PVT1: variants seen among roughly 807,000 people sequenced by gnomAD.
PVT1 encodes the protein Pvt1 oncogene, also known as CXCR4/PVT1 fusion.
At chr8:128,100,920 C>T (rs1268181184) in intron 6 of PVT1, 1 of 152,194 alleles carries the variant, frequency 6.6e-6, no homozygotes, top group Non-Finnish European at 1.5e-5. Flanking sequence ...TGCAACTTTC[C>T]CAATTGCTCC....
chr8:127,837,400 T>G (rs1285377567), intron 2 of PVT1, among the ~76,000 whole-genome samples: 19 of 151,512 alleles, frequency 1.3e-4, no homozygotes, highest in Admixed American at 5.9e-4. Context: ...TTGTTGTTTT[T>G]TTTTTTTTGA....
intron 3 of PVT1, among the ~76,000 whole-genome samples, chr8:127,918,877 A>G (rs1367337129): frequency 4.6e-5 from 7 of 152,204 alleles, no homozygotes; most frequent in Non-Finnish European, 7.3e-5. Flanking sequence ...TTGTCTGTTT[A>G]GTCAGCCCTG....
At chr8:128,045,578 C>T (rs1405483312) in intron 4 of PVT1, among the ~76,000 whole-genome samples, 1 of 152,192 alleles carries the variant, frequency 6.6e-6, no homozygotes, top group Non-Finnish European at 1.5e-5. Context: ...CAAGAGTTAC[C>T]CACATGGCTG....
At chr8:127,942,875 G>A (rs1476404967) in intron 3 of PVT1, among the ~76,000 whole-genome samples, 1 of 152,206 alleles carries the variant, frequency 6.6e-6, no homozygotes, top group South Asian at 2.1e-4. Context: ...AAACTGTCAT[G>A]TCCAATGCTG....
chr8:127,901,273 C>A (rs1416028487), intron 3 of PVT1, among the ~76,000 whole-genome samples: 1 of 152,162 alleles, frequency 6.6e-6, no homozygotes, highest in Non-Finnish European at 1.5e-5. Flanking sequence ...TGGCTGGAGT[C>A]TGGCTCTGGC....
In PVT1 at chr8:127,986,595, C is replaced by T. The variant is rs7831287; in HGVS notation, n.783-2567C>T. Among the ~76,000 whole-genome samples the T allele has an allele frequency of 8.4e-4, 128 of 152,284 alleles. 1 individual carries two copies. The highest frequency in any genetic ancestry group is 3.1e-3 in the African/African-American group (128 of 41,550). ...CTTCCTCTTCACTCCCTGTTTCTCCCACCAATTATTGGCATTGGCATATTT... is the reference window on the plus strand; with the variant it reads ...CTTCCTCTTCACTCCCTGTTTCTCCTACCAATTATTGGCATTGGCATATTT... On this transcript the variant is annotated intron_variant and non_coding_transcript_variant, in intron 3 of 10. Coordinates refer to ENST00000651587, the Ensembl canonical transcript of PVT1.
Position 127,922,754 on chromosome 8 carries a change from A to G in PVT1, n.782+31756A>G, listed in dbSNP as rs566681594. On this transcript the variant is annotated intron_variant and non_coding_transcript_variant, in intron 3 of 10. Transcript: ENST00000651587. ...TGCAGGCTGGACAGGATCTGTCACC[A>G]TTACTTAGCCCAGGCCCATCTCTTT... 2.0e-5 allele frequency among the ~76,000 whole-genome samples: 3 copies of G among 152,304 alleles called. No homozygotes were observed. In the East Asian group the frequency reaches 5.8e-4, roughly 29 times the overall value.
At chr8:127,839,905 CCTT>C (rs1421306155) in intron 2 of PVT1, among the ~76,000 whole-genome samples, 2 of 152,194 alleles carry the variant, frequency 1.3e-5, no homozygotes, top group Admixed American at 6.5e-5. Context: ...GTGAACTCTC[CCTT>C]CTTCTGCCCT....
chr8:128,014,883 A>G lies in PVT1; in HGVS notation n.912+25592A>G, dbSNP rs115385767. Among the ~76,000 whole-genome samples, 537 of 152,242 alleles carry G rather than the reference A, an allele frequency of 3.5e-3. 4 individuals carry two copies. The highest frequency in any genetic ancestry group is 0.012 in the African/African-American group (518 of 41,530). On this transcript the variant is annotated intron_variant and non_coding_transcript_variant, in intron 4 of 10. Transcript: ENST00000651587. ...CTTTCTTCATCTGGACTCTAGGGGC[A>G]CTTAAGCAATTAGCATGCCACAAGC...
chr8:128,031,210 G>A (rs1176666475), intron 4 of PVT1, among the ~76,000 whole-genome samples: 4 of 152,222 alleles, frequency 2.6e-5, no homozygotes, highest in Non-Finnish European at 4.4e-5. Context: ...GCTGCGTGGC[G>A]GGTGGCGGGT....
chr8:127,936,137 C>T (rs374077206), intron 3 of PVT1, among the ~76,000 whole-genome samples: 8 of 151,064 alleles, frequency 5.3e-5, no homozygotes, highest in Admixed American at 2.6e-4. Context: ...CCACAACCTC[C>T]GCGTCCCAGG....
intron 2 of PVT1, among the ~76,000 whole-genome samples, chr8:127,876,824 C>T (rs980492275): frequency 7.2e-5 from 11 of 152,208 alleles, no homozygotes; most frequent in African/African-American, 2.4e-4. Context: ...GTGCTGTCAT[C>T]GCTTTCATTT....
intron 2 of PVT1, among the ~76,000 whole-genome samples, chr8:127,860,044 G>T (rs1307844526): frequency 1.3e-5 from 2 of 152,092 alleles, no homozygotes; most frequent in Admixed American, 1.3e-4. Flanking sequence ...GACTGGCTGC[G>T]GCTGCCAGCG....
chr8:127,799,168 G>T (rs906107840), intron 2 of PVT1, among the ~76,000 whole-genome samples: 16 of 151,232 alleles, frequency 1.1e-4, no homozygotes, highest in Admixed American at 2.6e-4. Flanking sequence ...TTGTTTATCT[G>T]CCTCTTTATT....
At chr8:127,942,724 A>G (rs758152570) in intron 3 of PVT1, among the ~76,000 whole-genome samples, 7 of 152,084 alleles carry the variant, frequency 4.6e-5, no homozygotes, top group Non-Finnish European at 8.8e-5. Context: ...TGCTCTAAGT[A>G]TTGGAGCCTC....
At chr8:127,925,658 TG>T (rs764953279) in intron 3 of PVT1, among the ~76,000 whole-genome samples, 2 of 143,016 alleles carry the variant, frequency 1.4e-5, no homozygotes. Flanking sequence ...GTTTTTTTTT[TG>T]AAATGGAGTT....
chr8:127,825,192 G>A (rs888272106), intron 2 of PVT1, among the ~76,000 whole-genome samples: 14 of 150,346 alleles, frequency 9.3e-5, no homozygotes, highest in African/African-American at 3.5e-4. Context: ...GTGTTTTGGT[G>A]TATATGTCTG....
chr8:127,799,515 A>T (rs1452218965), intron 2 of PVT1, among the ~76,000 whole-genome samples: 1 of 152,216 alleles, frequency 6.6e-6, no homozygotes, highest in Non-Finnish European at 1.5e-5. Context: ...CATGGTGTGG[A>T]AGTGGGGGGC....
chr8:127,914,815 G>GTTTTTTT, intron 3 of PVT1, among the ~76,000 whole-genome samples: 1 of 130,812 alleles, frequency 7.6e-6, no homozygotes, highest in Non-Finnish European at 1.6e-5. Context: ...GTTGTTGTTG[G>GTTTTTTT]TTTTTTTTTT....
Sources: gnomAD v4.1 joint callset for allele counts (sites outside exome capture counted in the v4.1 genomes callset) on GRCh38, gnomAD v4.1.1 for gene constraint, MANE v1.5 for transcripts, NCBI Gene and HGNC (gene_info 2026-07-23, HGNC 2026-07-21) for gene names.